The following TARBP1 variants were observed in gnomAD, a reference collection of about 807,000 sequenced individuals.
The protein encoded by TARBP1 is tRNA guanosine 2 -O-methyltransferase TARBP1.
A neutral mutation model predicts 178.6 loss-of-function variants in TARBP1; 144 were observed. The ratio of observed to expected loss-of-function variants is 0.81; its 90% CI spans 0.70 to 0.93. The LOEUF (loss-of-function observed/expected upper bound fraction) is 0.93, where lower values mean the gene tolerates loss of function less well. Ranked by LOEUF, TARBP1 falls within the 40% of genes least tolerant of loss-of-function variation. The probability of loss-of-function intolerance (pLI) is 0.00; values close to 1 mark genes in which losing one functional copy is unlikely to be tolerated. For missense variants in TARBP1, 2,067 were observed against 2,011.7 expected, an observed-to-expected ratio of 1.03 and a Z score of -0.53; for synonymous variants, 787 against 781.0, an observed-to-expected ratio of 1.01 and a Z score of -0.13.
In TARBP1 at chr1:234,429,277, C is replaced by G. The variant is rs757993562; in HGVS notation, c.2919G>C (p.Ala973=). ...ESLCIESFDM[A]WKIISSLSNT... is the part of the protein sequence containing the mutation. ...TGCTTAAAGAAGATATAATTTTCCA[C>G]GCCATGTCAAAAGACTCTATGCAGA... Residue 973 remains alanine (A), a synonymous_variant, in exon 17 of 30, where the codon GCG becomes GCC. Coordinates refer to ENST00000040877, the MANE Select transcript of TARBP1 (RefSeq NM_005646.4). The G allele has an allele frequency of 2.1e-5, 33 of 1,600,504 alleles. No individual in the cohort carries two copies. Among genetic ancestry groups the G allele is most frequent in the Non-Finnish European group, 2.5e-5 (30 of 1,176,822 alleles).
Position 234,398,541 on chromosome 1 carries a change from T to G in TARBP1, c.4084A>C (p.Ile1362Leu), listed in dbSNP as rs754962339. The G allele has an allele frequency of 6.3e-7, 1 of 1,581,880 alleles. No individual in the cohort carries two copies. Among genetic ancestry groups the G allele is most frequent in the African/African-American group, 1.3e-5 (1 of 74,420 alleles). The change falls in exon 26 of 30, where the codon ATC (isoleucine) becomes CTC (leucine). Residue 1362 changes from isoleucine to leucine, a missense_variant. Coordinates refer to ENST00000040877, the MANE Select transcript of TARBP1 (RefSeq NM_005646.4). ...ATAAGGCCTGAAAGGCGTGGAAGGA[T>G]GTAAAATATGGTCTGAAAAGAGAAT... The part of the protein sequence containing the change: ...KDYCLETIFY[I>L]LPRLSGLIED...
rs1349588106 is a variant in TARBP1, at chr1:234,399,246, G to GT, written c.4072-694dup. Among the ~76,000 whole-genome samples, 3 of 152,304 alleles carry GT rather than the reference G, an allele frequency of 2.0e-5. No individual in the cohort carries two copies. In the East Asian group the frequency reaches 5.8e-4, roughly 29 times the overall value. ...AAGTACATAGGAAGCAGAGGTCCAA[G>GT]TAACAGGCAACTTAAAAACGAAACA... On this transcript the variant is annotated intron_variant, in intron 25 of 29. Transcript: ENST00000040877.
rs200989209 is a variant in TARBP1, at chr1:234,450,559, T to C, written c.1730A>G (p.Asp577Gly). The C allele has an allele frequency of 2.1e-5, 34 of 1,606,190 alleles. No individual in the cohort carries two copies. In the African/African-American group the frequency reaches 4.3e-4, roughly 20 times the overall value. Residue 577 changes from aspartate to glycine, a missense_variant, in exon 10 of 30, where the codon GAC becomes GGC. Physicochemically the swap from Asp to Gly is moderately conservative, Grantham distance 94. Coordinates refer to ENST00000040877, the MANE Select transcript of TARBP1 (RefSeq NM_005646.4). ...RGTSLWTELCDWLRVNESYFK... is the reference protein window; with the variant it reads ...RGTSLWTELCGWLRVNESYFK... ...ATAGCTTTCATTAACACGTAGCCAG[T>C]CACACAGCTGGAAAAGAAAACAGTT...
chr1:234,432,267 C>A (rs1664518444), intron 14 of TARBP1, among the ~76,000 whole-genome samples: 1 of 151,528 alleles, frequency 6.6e-6, no homozygotes, highest in African/African-American at 2.4e-5. Flanking sequence ...CATGGCAAAA[C>A]CCCAACTCTA....
intron 12 of TARBP1, among the ~76,000 whole-genome samples, chr1:234,444,111 T>G (rs1303913306): frequency 1.3e-5 from 2 of 152,156 alleles, no homozygotes; most frequent in Admixed American, 1.3e-4. Flanking sequence ...AAATGTAAAT[T>G]TTACTTTATG....
At chr1:234,447,328 A>C (rs1429236233) in intron 11 of TARBP1, among the ~76,000 whole-genome samples, 2 of 128,078 alleles carry the variant, frequency 1.6e-5, no homozygotes, top group Admixed American at 9.1e-5. Flanking sequence ...AGGAACTAGA[A>C]CATGTTTTTA....
chr1:234,414,074 G>T (rs559929410), intron 22 of TARBP1, among the ~76,000 whole-genome samples: 1 of 152,180 alleles, frequency 6.6e-6, no homozygotes, highest in Admixed American at 6.6e-5. Flanking sequence ...CAAGGAAAAC[G>T]TCTACAGCAA....
At chr1:234,402,736 C>T (rs770876078) in intron 24 of TARBP1, among the ~76,000 whole-genome samples, 9 of 151,888 alleles carry the variant, frequency 5.9e-5, no homozygotes, top group African/African-American at 7.3e-5. Context: ...CACCATACCC[C>T]GCTAACTTTT....
chr1:234,476,421 G>C (rs568038307), intron 1 of TARBP1, among the ~76,000 whole-genome samples: 55 of 152,312 alleles, frequency 3.6e-4, no homozygotes, highest in South Asian at 2.5e-3. Flanking sequence ...CGGGGTAAGC[G>C]TGAGGTCTGT....
chr1:234,462,933 T>G (rs867022248), intron 6 of TARBP1, among the ~76,000 whole-genome samples: 9 of 152,182 alleles, frequency 5.9e-5, no homozygotes, highest in South Asian at 4.1e-4. Context: ...AGGCTCACTT[T>G]ACAAATCACA....
chr1:234,395,115 T>C lies in TARBP1; in HGVS notation c.4244-1278A>G, dbSNP rs1294246518. Among the ~76,000 whole-genome samples the C allele has an allele frequency of 3.9e-5, 6 of 152,068 alleles. No homozygotes were observed. In the South Asian group the frequency reaches 1.2e-3, roughly 31 times the overall value. On this transcript the variant is annotated intron_variant, in intron 26 of 29. Transcript: ENST00000040877. ...GGTAGACGCCTATAATCCCAGCTAC[T>C]AGGGAGGCTGAGGCACGAGAATCGC...
intron 14 of TARBP1, 88 bp downstream of exon 14, chr1:234,433,322 G>T: frequency 7.6e-7 from 1 of 1,307,960 alleles, no homozygotes; most frequent in Non-Finnish European, 1.1e-6. Context: ...CGCTTTGTAT[G>T]GTATCAAAAT....
intron 29 of TARBP1, 151 bp downstream of exon 29, chr1:234,392,265 G>C: frequency 1.1e-6 from 1 of 948,708 alleles, no homozygotes; most frequent in Non-Finnish European, 1.6e-6. Flanking sequence ...GAGCCAATGA[G>C]GCAGAGGTTG....
chr1:234,469,093 G>GAAAAAAAAAAAAAAAA (rs1668791000), intron 3 of TARBP1, among the ~76,000 whole-genome samples: 8 of 98,218 alleles, frequency 8.1e-5, no homozygotes, highest in Admixed American at 2.3e-4. Context: ...AAAAAAAAAG[G>GAAAAAAAAAAAAAAAA]CAAAAACCGC....
intron 20 of TARBP1, among the ~76,000 whole-genome samples, chr1:234,421,412 G>T (rs944884241): frequency 1.3e-5 from 2 of 152,070 alleles, no homozygotes; most frequent in African/African-American, 4.8e-5. Flanking sequence ...ATTAGAAGAG[G>T]GCCAAAAAAC....
chr1:234,431,604 T>C (rs999427879), intron 14 of TARBP1, among the ~76,000 whole-genome samples: 3 of 152,226 alleles, frequency 2.0e-5, no homozygotes, highest in Admixed American at 1.3e-4. Context: ...TAAGTGAAAA[T>C]GGCTAACTTT....
intron 9 of TARBP1, among the ~76,000 whole-genome samples, chr1:234,453,227 T>C (rs1056253185): frequency 6.6e-6 from 1 of 151,914 alleles, no homozygotes; most frequent in Admixed American, 6.6e-5. Context: ...TTGTAACAAA[T>C]GAACCACACT....
In TARBP1 at chr1:234,418,149, T is replaced by C; in HGVS notation, c.3640A>G (p.Ile1214Val). The change falls in exon 22 of 30, where the codon ATT (isoleucine) becomes GTT (valine). Residue 1214 changes from isoleucine (I) to valine (V), a missense_variant. Coordinates refer to ENST00000040877, the MANE Select transcript of TARBP1 (RefSeq NM_005646.4). Reference protein sequence around the residue: ...QASIKYFIEWIIILILHKFPQ... With the variant: ...QASIKYFIEWVIILILHKFPQ... ...AATTTATGAAGAATCAATATAATAA[T>C]CCATTCTATAAAATATTTTATGGAT... is the stretch of plus-strand genomic sequence containing the variant. 1 of 1,532,108 alleles carries C rather than the reference T, an allele frequency of 6.5e-7. No individual in the cohort carries two copies. The highest frequency in any genetic ancestry group is 8.7e-7 in the Non-Finnish European group (1 of 1,143,054). The allele number at this position is 1,532,108 out of a possible 1,614,324, so 94.9% of individuals were successfully genotyped here.
intron 3 of TARBP1, among the ~76,000 whole-genome samples, chr1:234,469,506 C>T (rs931923143): frequency 6.6e-6 from 1 of 152,214 alleles, no homozygotes; most frequent in African/African-American, 2.4e-5. Context: ...GGTGCAACTA[C>T]AGATGCTTAT....
Sources: allele counts gnomAD v4.1 joint callset (sites outside exome capture counted in the v4.1 genomes callset), GRCh38; gene constraint gnomAD v4.1.1; transcripts MANE v1.5; gene names NCBI Gene and HGNC (gene_info 2026-07-23, HGNC 2026-07-21).